The following TMEM170A variants were observed in gnomAD, a reference collection of about 807,000 sequenced individuals.
The protein encoded by TMEM170A is transmembrane protein 170A, also known as transmembrane protein 170.
In TMEM170A, 18 loss-of-function variants were observed where a neutral mutation model predicts 12.8. That is an observed-to-expected ratio of 1.41 (90% confidence interval 0.97 to 2.09). The LOEUF (loss-of-function observed/expected upper bound fraction) is 2.09. Among genes scored for constraint, TMEM170A ranks in the 30% most tolerant of loss-of-function variants. The pLI is 0.00. For synonymous variants in TMEM170A, 107 were observed against 76.2 expected, an observed-to-expected ratio of 1.40 and a Z score of -2.11; for missense variants, 220 against 179.9, an observed-to-expected ratio of 1.22 and a Z score of -1.28.
In TMEM170A at chr16:75,451,721, T is replaced by TACA; in HGVS notation, c.249_251dup (p.Val84dup). On this transcript the variant is annotated inframe_insertion, in exon 2 of 3. Transcript: ENST00000561878. ...CCACGATGCCCATCAACAGGATGCT[T>TACA]ACAGACATGAACCTACCATATTTGT... 6.2e-7 allele frequency: 1 copy of TACA among 1,614,154 alleles called. No homozygotes were observed.
intron 1 of TMEM170A, among the ~76,000 whole-genome samples, chr16:75,454,225 T>C (rs1379262855): frequency 7.5e-6 from 1 of 133,956 alleles, no homozygotes; most frequent in East Asian, 1.9e-4. Context: ...TTCCCAGTTG[T>C]GTCAACCAAA....
chr16:75,459,647 A>C (rs2079866780), intron 1 of TMEM170A, among the ~76,000 whole-genome samples: 1 of 152,130 alleles, frequency 6.6e-6, no homozygotes. Context: ...ACCTGAGGTC[A>C]GGAGTTCAAG....
chr16:75,457,832 A>G (rs533803596), intron 1 of TMEM170A, among the ~76,000 whole-genome samples: 9 of 152,304 alleles, frequency 5.9e-5, no homozygotes, highest in African/African-American at 2.2e-4. Flanking sequence ...CCTGAGCCAC[A>G]TCCATTAGCT....
At position 75,451,757 on chromosome 16, in the gene TMEM170A, G is replaced by T. The variant is rs2079688536; in HGVS notation, c.216C>A (p.Thr72=). ...ACCTACCATATTTGTGATGTCTGAG[G>T]GTGAAGAGGGCCAGTAATCCAGCAG... ...HVPAGLLALF[T]LRHHKYGRFM... is the part of the protein sequence containing the mutation. Residue 72 remains threonine, a synonymous_variant, in exon 2 of 3, where the codon ACC becomes ACA. Transcript: ENST00000561878. 6.2e-7 allele frequency: 1 copy of T among 1,614,008 alleles called. No homozygotes were observed. The highest frequency in any genetic ancestry group is 1.3e-5 in the African/African-American group (1 of 74,908).
At chr16:75,460,632 C>T (rs928288770) in intron 1 of TMEM170A, among the ~76,000 whole-genome samples, 3 of 152,208 alleles carry the variant, frequency 2.0e-5, no homozygotes, top group Admixed American at 6.5e-5. Context: ...CCCCACCACA[C>T]AGGCCCTGCC....
At chr16:75,455,490 C>G (rs1320252520) in intron 1 of TMEM170A, among the ~76,000 whole-genome samples, 1 of 151,998 alleles carries the variant, frequency 6.6e-6, no homozygotes, top group Non-Finnish European at 1.5e-5. Context: ...ACAATAAACA[C>G]TCATGTGGAA....
intron 1 of TMEM170A, among the ~76,000 whole-genome samples, chr16:75,454,155 GT>G (rs1181548978): frequency 7.5e-6 from 1 of 133,800 alleles, no homozygotes; most frequent in Non-Finnish European, 1.8e-5. Flanking sequence ...ACTTTTCATT[GT>G]GGGGGCTGCA....
chr16:75,449,385 T>C (rs1597436253), intron 2 of TMEM170A, among the ~76,000 whole-genome samples: 1 of 151,146 alleles, frequency 6.6e-6, no homozygotes, highest in Non-Finnish European at 1.5e-5. Context: ...TGGAATGCGG[T>C]GGCATGATCA....
In TMEM170A at chr16:75,454,528, G is replaced by C. The variant is rs151104094; in HGVS notation, c.134-2689C>G. Among the ~76,000 whole-genome samples, 584 of 152,154 alleles carry C rather than the reference G, an allele frequency of 3.8e-3. 2 individuals carry two copies. Among genetic ancestry groups the C allele is most frequent in the African/African-American group, 0.014 (563 of 41,510 alleles). On this transcript the variant is annotated intron_variant, in intron 1 of 2. Transcript: ENST00000561878. Reference sequence around the variant, plus strand: ...CAGGCACCTGTAGTCCCAGCTACTTGGGAGGCTGAGGCAGGAGAATCGCTT... The same window carrying C: ...CAGGCACCTGTAGTCCCAGCTACTTCGGAGGCTGAGGCAGGAGAATCGCTT...
rs368336222 is a variant in TMEM170A, at chr16:75,451,690, T to C, written c.283A>G (p.Ile95Val). 7.4e-6 allele frequency: 12 copies of C among 1,614,230 alleles called. No individual in the cohort carries two copies. Among genetic ancestry groups the C allele is most frequent in the Admixed American group, 5.0e-5 (3 of 60,026 alleles). ...ATACTTGTCAAGATTCCAGCAGTAATTGGTCCCACGATGCCCATCAACAGG... is the reference window on the plus strand; with the variant it reads ...ATACTTGTCAAGATTCCAGCAGTAACTGGTCCCACGATGCCCATCAACAGG... ...SILLMGIVGP[I>V]TAGILTSAAI... is the part of the protein sequence containing the mutation. Residue 95 changes from isoleucine (I) to valine (V), a missense_variant, in exon 2 of 3, where the codon ATT becomes GTT. Coordinates refer to ENST00000561878, the MANE Select transcript of TMEM170A (RefSeq NM_145254.3).
At chr16:75,456,509 C>T (rs1390944679) in intron 1 of TMEM170A, among the ~76,000 whole-genome samples, 3 of 152,170 alleles carry the variant, frequency 2.0e-5, no homozygotes, top group African/African-American at 4.8e-5. Context: ...TGAAAAAAGT[C>T]AGCCTTAGTC....
At chr16:75,453,392 C>G (rs1329805213) in intron 1 of TMEM170A, among the ~76,000 whole-genome samples, 2 of 152,196 alleles carry the variant, frequency 1.3e-5, no homozygotes, top group African/African-American at 4.8e-5. Flanking sequence ...CAAGATCATG[C>G]TACTGCACTC....
In TMEM170A at chr16:75,447,444, T is replaced by C. The variant is rs1251816755; in HGVS notation, c.*114A>G. 3 of 1,198,810 alleles carry C rather than the reference T, an allele frequency of 2.5e-6. No individual in the cohort carries two copies. Among genetic ancestry groups the C allele is most frequent in the African/African-American group, 3.1e-5 (2 of 63,930 alleles). 74.3% of individuals were successfully genotyped at this position (1,198,810 alleles called of 1,614,324 possible). A position where few individuals can be genotyped will look rare whatever the true frequency, so the allele number is the denominator to read the frequency against. On this transcript the variant is annotated 3_prime_UTR_variant, in exon 3 of 3. Transcript: ENST00000561878. ...TGAGATGTGTTGTCCTTCATGTTCC[T>C]GTTCATCCAAGTTGCTTCCCTTTGA...
rs755469005 is a variant in TMEM170A, at chr16:75,451,743, T to C, written c.230A>G (p.Lys77Arg). The change falls in exon 2 of 3, where the codon AAA becomes AGA. Residue 77 changes from lysine to arginine, a missense_variant. By Grantham distance (26) the Lys-to-Arg change is conservative. Coordinates refer to ENST00000561878, the MANE Select transcript of TMEM170A (RefSeq NM_145254.3). ...GCTTACAGACATGAACCTACCATAT[T>C]TGTGATGTCTGAGGGTGAAGAGGGC... ...LLALFTLRHH[K>R]YGRFMSVSIL... is the part of the protein sequence containing the mutation. 5.6e-6 allele frequency: 9 copies of C among 1,613,970 alleles called. No homozygotes were observed. The East Asian group carries it at 1.8e-4, about 32-fold the overall frequency.
At chr16:75,455,358 A>AAAAC (rs1433384314) in intron 1 of TMEM170A, among the ~76,000 whole-genome samples, 21 of 92,524 alleles carry the variant, frequency 2.3e-4, no homozygotes, top group Admixed American at 2.2e-3. Flanking sequence ...CACTGTCTCA[A>AAAAC]AAAAAAAAAA....
chr16:75,455,356 CAA>C (rs59205915), intron 1 of TMEM170A, among the ~76,000 whole-genome samples: 55 of 110,792 alleles, frequency 5.0e-4, no homozygotes, highest in South Asian at 1.9e-3. Context: ...GACACTGTCT[CAA>C]AAAAAAAAAA....
rs375743279 is a variant in TMEM170A at position 75,451,624 on chromosome 16, A to G, written c.304+45T>C. On this transcript the variant is annotated intron_variant, in intron 2 of 2. Coordinates refer to ENST00000561878, the MANE Select transcript of TMEM170A (RefSeq NM_145254.3). ...TCTAGAATAGGTCCTGAAATTGACT[A>G]GTCATATTAAACATTTTTGACTGGT... The G allele has an allele frequency of 8.7e-5, 138 of 1,591,044 alleles. No individual in the cohort carries two copies. The African/African-American group carries it at 1.6e-3, about 18-fold the overall frequency.
chr16:75,460,935 G>C (rs1026988825), intron 1 of TMEM170A, among the ~76,000 whole-genome samples: 1 of 152,130 alleles, frequency 6.6e-6, no homozygotes, highest in Non-Finnish European at 1.5e-5. Flanking sequence ...ATCTTCTGAA[G>C]ATGAATGTCA....
In TMEM170A at chr16:75,446,525, G is replaced by A. The variant is rs1359335081; in HGVS notation, c.*1033C>T. 6.6e-6 allele frequency: 1 copy of A among 152,140 alleles called. No homozygotes were observed. The highest frequency in any genetic ancestry group is 1.5e-5 in the Non-Finnish European group (1 of 68,034). The allele number at this position is 152,140 out of a possible 1,614,324, so 9.4% of individuals were successfully genotyped here. On this transcript the variant is annotated 3_prime_UTR_variant, in exon 3 of 3. Coordinates refer to ENST00000561878, the MANE Select transcript of TMEM170A (RefSeq NM_145254.3). ...GAACATTAAACTTTAGGCACTTTCT[G>A]GGAGTTGATACCCAATACTGTAAAA...
Sources: gnomAD v4.1 joint callset for allele counts (sites outside exome capture counted in the v4.1 genomes callset) on GRCh38, gnomAD v4.1.1 for gene constraint, MANE v1.5 for transcripts, NCBI Gene and HGNC (gene_info 2026-07-23, HGNC 2026-07-21) for gene names.